The following PITPNC1 variants were observed in gnomAD, a reference collection of about 807,000 sequenced individuals.
PITPNC1 encodes cytoplasmic phosphatidylinositol transfer protein 1.
A neutral mutation model predicts 44.7 loss-of-function variants in PITPNC1; 18 were observed. The observed-to-expected ratio is 0.40, with a 90% CI of 0.28 to 0.60. The LOEUF is 0.60. PITPNC1 is among the 20% of genes least tolerant of loss of function. The probability of loss-of-function intolerance (pLI) is 0.39; values close to 1 mark genes in which losing one functional copy is unlikely to be tolerated. For missense variants in PITPNC1, 290 were observed against 418.4 expected (o/e 0.69, Z 2.68); for synonymous variants, 141 against 149.6 (o/e 0.94, Z 0.42).
chr17:67,418,445 T>C (rs1242610314), intron 1 of PITPNC1, among the ~76,000 whole-genome samples: 5 of 152,176 alleles, frequency 3.3e-5, no homozygotes, highest in Non-Finnish European at 7.4e-5. Flanking sequence ...GGAATCGCAG[T>C]TTTCATTCTT....
At chr17:67,683,980 A>T (rs941896510) in intron 8 of PITPNC1, among the ~76,000 whole-genome samples, 22 of 150,118 alleles carry the variant, frequency 1.5e-4, no homozygotes, top group African/African-American at 5.1e-4. Flanking sequence ...TCTGTCTCAA[A>T]AAAAAAAAAA....
intron 1 of PITPNC1, among the ~76,000 whole-genome samples, chr17:67,426,172 C>T (rs1322639781): frequency 1.3e-5 from 2 of 152,092 alleles, no homozygotes; most frequent in Non-Finnish European, 2.9e-5. Context: ...AAGGTAAATT[C>T]GTTCCACCAT....
chr17:67,401,245 CTTTT>C (rs2038306398), intron 1 of PITPNC1, among the ~76,000 whole-genome samples: 1 of 152,066 alleles, frequency 6.6e-6, no homozygotes, highest in Non-Finnish European at 1.5e-5. Flanking sequence ...AGTTTTCTTT[CTTTT>C]GAGATAAAAT....
intron 1 of PITPNC1, among the ~76,000 whole-genome samples, chr17:67,477,992 G>A (rs2039654049): frequency 2.0e-5 from 3 of 152,154 alleles, no homozygotes; most frequent in South Asian, 4.1e-4. Context: ...TGGCTTCCCC[G>A]AGGATGAGAG....
At chr17:67,401,664 T>A (rs979742956) in intron 1 of PITPNC1, among the ~76,000 whole-genome samples, 1 of 151,918 alleles carries the variant, frequency 6.6e-6, no homozygotes, top group African/African-American at 2.4e-5. Context: ...GCCAAGATGG[T>A]GAAACCCCAT....
intron 1 of PITPNC1, among the ~76,000 whole-genome samples, chr17:67,378,622 G>A (rs1207686535): frequency 6.6e-6 from 1 of 152,106 alleles, no homozygotes; most frequent in African/African-American, 2.4e-5. Context: ...AGGTAGGGGT[G>A]CGAGGAGGAG....
intron 6 of PITPNC1, among the ~76,000 whole-genome samples, chr17:67,662,080 C>T (rs142026869): frequency 3.3e-5 from 5 of 152,082 alleles, no homozygotes; most frequent in African/African-American, 4.8e-5. Flanking sequence ...AACCCACCGA[C>T]GCAACATAGC....
intron 1 of PITPNC1, among the ~76,000 whole-genome samples, chr17:67,529,752 G>A (rs2040436118): frequency 6.6e-6 from 1 of 152,082 alleles, no homozygotes; most frequent in African/African-American, 2.4e-5. Flanking sequence ...TTCAAGACCA[G>A]CCTGGCCAAC....
intron 5 of PITPNC1, among the ~76,000 whole-genome samples, chr17:67,610,254 G>C (rs1470313923): frequency 1.3e-5 from 2 of 152,148 alleles, no homozygotes; most frequent in African/African-American, 4.8e-5. Context: ...GGTGTTGTGT[G>C]CGCATGAAAG....
intron 1 of PITPNC1, among the ~76,000 whole-genome samples, chr17:67,460,568 C>T (rs1360848136): frequency 6.6e-6 from 1 of 151,824 alleles, no homozygotes; most frequent in Non-Finnish European, 1.5e-5. Flanking sequence ...GGATGTGCCA[C>T]CACGCCTGGC....
chr17:67,410,177 G>C (rs1016753191), intron 1 of PITPNC1, among the ~76,000 whole-genome samples: 3 of 152,184 alleles, frequency 2.0e-5, no homozygotes, highest in African/African-American at 7.2e-5. Flanking sequence ...AGTGGTATTT[G>C]CAAGTGAAAT....
At chr17:67,680,280 C>G (rs2042678207) in intron 8 of PITPNC1, among the ~76,000 whole-genome samples, 1 of 152,090 alleles carries the variant, frequency 6.6e-6, no homozygotes, top group Admixed American at 6.6e-5. Context: ...CTACTCCCTG[C>G]TCCCAATTAA....
Position 67,494,368 on chromosome 17 carries a change from T to A in PITPNC1, c.49-38434T>A, listed in dbSNP as rs529171210. ...GCACCTGCTACCACGTCTGGCTAAT[T>A]TTTGTTTTTTTAATAGAGACAGGGT... On this transcript the variant is annotated intron_variant, in intron 1 of 8. Transcript: ENST00000581322. Among the ~76,000 whole-genome samples, 5 of 151,522 alleles carry A rather than the reference T, an allele frequency of 3.3e-5. No homozygotes were observed. In the South Asian group the frequency reaches 6.3e-4, roughly 19 times the overall value.
chr17:67,653,155 G>A (rs1317106612), intron 6 of PITPNC1, among the ~76,000 whole-genome samples: 11 of 152,040 alleles, frequency 7.2e-5, no homozygotes, highest in African/African-American at 1.5e-4. Context: ...GGTGGTGGGC[G>A]CCTGTAGTCC....
chr17:67,558,827 G>T (rs1233458229), intron 4 of PITPNC1, among the ~76,000 whole-genome samples: 2 of 152,050 alleles, frequency 1.3e-5, no homozygotes, highest in Non-Finnish European at 2.9e-5. Context: ...GACCAGGGAG[G>T]ATGAAATGAC....
chr17:67,509,943 C>T (rs1241658071), intron 1 of PITPNC1, among the ~76,000 whole-genome samples: 1 of 152,198 alleles, frequency 6.6e-6, no homozygotes, highest in Non-Finnish European at 1.5e-5. Context: ...ACGTCTAGAA[C>T]ACAGCCGGCT....
At chr17:67,570,819 C>T (rs2041045073) in intron 4 of PITPNC1, among the ~76,000 whole-genome samples, 1 of 150,638 alleles carries the variant, frequency 6.6e-6, no homozygotes. Context: ...TCCTCCCTCT[C>T]TGTGGGTTAG....
At chr17:67,483,740 G>T (rs539878593) in intron 1 of PITPNC1, among the ~76,000 whole-genome samples, 1 of 152,188 alleles carries the variant, frequency 6.6e-6, no homozygotes, top group Non-Finnish European at 1.5e-5. Flanking sequence ...TAGCCTTCAA[G>T]CCCTGGGGGG....
chr17:67,445,518 G>C (rs1036600169), intron 1 of PITPNC1, among the ~76,000 whole-genome samples: 3 of 151,702 alleles, frequency 2.0e-5, no homozygotes, highest in Non-Finnish European at 4.4e-5. Context: ...GAGCGCTTTA[G>C]TTCTGTCTCT....
Sources: allele counts gnomAD v4.1 joint callset (sites outside exome capture counted in the v4.1 genomes callset), GRCh38; gene constraint gnomAD v4.1.1; transcripts MANE v1.5; gene names NCBI Gene and HGNC (gene_info 2026-07-23, HGNC 2026-07-21).